PTPRT: variants seen among roughly 807,000 people sequenced by gnomAD.
PTPRT encodes the protein protein tyrosine phosphatase receptor type T.
In PTPRT, 56 loss-of-function variants were observed where a neutral mutation model predicts 176.8. The ratio of observed to expected loss-of-function variants is 0.32; its 90% CI spans 0.26 to 0.40. PTPRT has a LOEUF of 0.40. Ranked by LOEUF, PTPRT falls within the 10% of genes least tolerant of loss-of-function variation. The pLI, the probability that PTPRT is intolerant of heterozygous loss-of-function variation, is 1.00. For synonymous variants in PTPRT, 783 were observed against 739.0 expected (o/e 1.06, Z -0.96); for missense variants, 1,540 against 1,908.2 (o/e 0.81, Z 3.60).
intron 6 of PTPRT, among the ~76,000 whole-genome samples, chr20:42,719,811 A>C (rs969938068): frequency 1.3e-5 from 2 of 152,182 alleles, no homozygotes; most frequent in South Asian, 2.1e-4. Context: ...CCCAGAGAAG[A>C]AGCAGAAAGG....
chr20:42,107,802 G>A (rs1436591946), intron 23 of PTPRT, among the ~76,000 whole-genome samples: 1 of 152,228 alleles, frequency 6.6e-6, no homozygotes, highest in Non-Finnish European at 1.5e-5. Context: ...CAAAGAGGAA[G>A]AGAGATGGAA....
intron 16 of PTPRT, among the ~76,000 whole-genome samples, chr20:42,169,875 GC>G (rs1246765750): frequency 2.0e-5 from 3 of 151,748 alleles, no homozygotes; most frequent in Admixed American, 6.6e-5. Context: ...CTTGGTGGGG[GC>G]GGGGGCAGGG....
chr20:42,774,764 G>A (rs2077110227), intron 4 of PTPRT, among the ~76,000 whole-genome samples: 1 of 152,212 alleles, frequency 6.6e-6, no homozygotes, highest in Admixed American at 6.5e-5. Context: ...CACAGGAGCT[G>A]ATCTAGGCTA....
At chr20:42,984,185 C>T (rs181081310) in intron 1 of PTPRT, among the ~76,000 whole-genome samples, 6 of 152,318 alleles carry the variant, frequency 3.9e-5, no homozygotes, top group South Asian at 2.1e-4. Flanking sequence ...CATGTATGTA[C>T]AAACATGAGT....
intron 1 of PTPRT, among the ~76,000 whole-genome samples, chr20:43,092,511 G>A (rs1412179276): frequency 6.6e-6 from 1 of 152,172 alleles, no homozygotes; most frequent in Non-Finnish European, 1.5e-5. Context: ...ATACTATGTA[G>A]ACATTAGCAC....
intron 7 of PTPRT, among the ~76,000 whole-genome samples, chr20:42,475,979 C>T (rs2071282402): frequency 6.6e-6 from 1 of 152,136 alleles, no homozygotes; most frequent in African/African-American, 2.4e-5. Flanking sequence ...CTGACTAGAG[C>T]GTGGCTTGAA....
chr20:43,077,908 A>G (rs2011321658), intron 1 of PTPRT, among the ~76,000 whole-genome samples: 1 of 152,022 alleles, frequency 6.6e-6, no homozygotes, highest in Non-Finnish European at 1.5e-5. Context: ...AACCCTCACT[A>G]TTTGTCCTAA....
chr20:42,653,958 C>T (rs1351775300), intron 7 of PTPRT, among the ~76,000 whole-genome samples: 1 of 152,124 alleles, frequency 6.6e-6, no homozygotes, highest in Non-Finnish European at 1.5e-5. Context: ...CAACATATTG[C>T]TTTTCCAGGC....
At chr20:42,317,702 T>A (rs1009669806) in intron 11 of PTPRT, among the ~76,000 whole-genome samples, 5 of 152,120 alleles carry the variant, frequency 3.3e-5, no homozygotes, top group Non-Finnish European at 5.9e-5. Context: ...GAAAAAAGGC[T>A]ATGGAGAACT....
intron 5 of PTPRT, among the ~76,000 whole-genome samples, chr20:42,767,979 C>CACACAA: frequency 2.5e-5 from 1 of 39,608 alleles, no homozygotes; most frequent in Non-Finnish European, 5.1e-5. Context: ...TAAAATTATA[C>CACACAA]ACACACACAC....
intron 2 of PTPRT, among the ~76,000 whole-genome samples, chr20:42,841,580 G>T (rs1343358254): frequency 6.8e-6 from 1 of 147,896 alleles, no homozygotes; most frequent in East Asian, 2.0e-4. Context: ...TTTGCGTCAG[G>T]TTTGACAGCC....
At chr20:42,241,617 G>T (rs151326837) in intron 14 of PTPRT, among the ~76,000 whole-genome samples, 1 of 152,156 alleles carries the variant, frequency 6.6e-6, no homozygotes, top group Non-Finnish European at 1.5e-5. Flanking sequence ...GGGGAAGAAA[G>T]GTCAGCAGTG....
intron 9 of PTPRT, among the ~76,000 whole-genome samples, chr20:42,426,993 T>C (rs956146384): frequency 6.6e-6 from 1 of 152,150 alleles, no homozygotes; most frequent in Non-Finnish European, 1.5e-5. Flanking sequence ...CTGTCAAACA[T>C]GGTGGCACAA....
chr20:42,216,043 C>T (rs767345177), intron 15 of PTPRT, among the ~76,000 whole-genome samples: 12 of 152,220 alleles, frequency 7.9e-5, no homozygotes, highest in Admixed American at 2.6e-4. Context: ...CAACCGCTTC[C>T]AAGCAGCGTC....
At chr20:43,081,407 CA>C (rs1285619848) in intron 1 of PTPRT, among the ~76,000 whole-genome samples, 1 of 152,136 alleles carries the variant, frequency 6.6e-6, no homozygotes, top group Non-Finnish European at 1.5e-5. Flanking sequence ...TCACATTTCA[CA>C]GCTATACATT....
chr20:42,534,477 C>A (rs1313761711), intron 7 of PTPRT, among the ~76,000 whole-genome samples: 2 of 151,900 alleles, frequency 1.3e-5, no homozygotes, highest in Non-Finnish European at 2.9e-5. Context: ...ACTAAAAATA[C>A]CAAAAAAATT....
At chr20:43,142,231 G>A (rs971059591) in intron 1 of PTPRT, among the ~76,000 whole-genome samples, 2 of 152,202 alleles carry the variant, frequency 1.3e-5, no homozygotes, top group Admixed American at 6.5e-5. Context: ...GGACTTGAAT[G>A]CTCAAATAAA....
chr20:43,184,313 T>A (rs1307462712), intron 1 of PTPRT, among the ~76,000 whole-genome samples: 1 of 152,162 alleles, frequency 6.6e-6, no homozygotes, highest in Non-Finnish European at 1.5e-5. Flanking sequence ...AAGGTGCATC[T>A]GATGGGGTTT....
intron 15 of PTPRT, among the ~76,000 whole-genome samples, chr20:42,204,058 A>G (rs1441271338): frequency 6.6e-6 from 1 of 152,234 alleles, no homozygotes; most frequent in Non-Finnish European, 1.5e-5. Flanking sequence ...TAGAAAAGAT[A>G]GTCCTCTTAC....
Sources: allele counts gnomAD v4.1 joint callset (sites outside exome capture counted in the v4.1 genomes callset), GRCh38; gene constraint gnomAD v4.1.1; transcripts MANE v1.5; gene names NCBI Gene and HGNC (gene_info 2026-07-23, HGNC 2026-07-21).